Variants in SHH observed in about 807,000 individuals in gnomAD.
SHH encodes the protein sonic hedgehog protein.
Under a neutral mutation model 16.6 loss-of-function variants are expected in SHH, and 3 were observed. That is an observed-to-expected ratio of 0.18 (90% confidence interval 0.08 to 0.47). The LOEUF (loss-of-function observed/expected upper bound fraction) is 0.47. Ranked by LOEUF, SHH falls within the 20% of genes least tolerant of loss-of-function variation. The pLI, the probability that SHH is intolerant of heterozygous loss-of-function variation, is 0.98. For missense variants in SHH, 499 were observed against 665.0 expected, an observed-to-expected ratio of 0.75 and a Z score of 2.75; for synonymous variants, 351 against 316.2, an observed-to-expected ratio of 1.11 and a Z score of -1.17.
chr7:155,809,723 G>A lies in SHH; in HGVS notation c.300+2100C>T, dbSNP rs1385119476. ...ATTTGTTTTCGTTTCGTTCGTCTGA[G>A]GGAAGTTGACAGAAGGTCAGAAGTT... On this transcript the variant is annotated intron_variant, in intron 1 of 2. Transcript: ENST00000297261. This position sits in a 1 kb window ranked among gnomAD's most constrained non-coding sequence, Gnocchi z 6.1. Among the ~76,000 whole-genome samples, 1 of 152,198 alleles carries A rather than the reference G, an allele frequency of 6.6e-6. No individual in the cohort carries two copies. Among genetic ancestry groups the A allele is most frequent in the Admixed American group, 6.5e-5 (1 of 15,286 alleles).
chr7:155,812,086 C>G lies in SHH; in HGVS notation c.37G>C (p.Val13Leu), dbSNP rs1257833374. The change falls in exon 1 of 3, where the codon GTC becomes CTC. Residue 13 changes from valine (V) to leucine (L), a missense_variant. By Grantham distance (32) the Val-to-Leu change is conservative. Coordinates refer to ENST00000297261, the MANE Select transcript of SHH (RefSeq NM_000193.4). ...LLARCLLLVLVSSLLVCSGLA... is the reference protein window; with the variant it reads ...LLARCLLLVLLSSLLVCSGLA... ...CCCGAGCATACCAGCAGCGAGGAGA[C>G]GAGGACTAGCAGCAGACATCTCGCC... The G allele has an allele frequency of 1.9e-6, 3 of 1,614,082 alleles. No homozygotes were observed. Among genetic ancestry groups the G allele is most frequent in the East Asian group, 2.2e-5 (1 of 44,894 alleles).
intron 2 of SHH, among the ~76,000 whole-genome samples, chr7:155,805,880 C>CT (rs1375010547): frequency 1.3e-5 from 2 of 152,224 alleles, no homozygotes; most frequent in Non-Finnish European, 2.9e-5. Context: ...ATAGACACCC[C>CT]TGCGCTTGGG....
At chr7:155,805,181 G>A (rs1803321376) in intron 2 of SHH, among the ~76,000 whole-genome samples, 2 of 151,922 alleles carry the variant, frequency 1.3e-5, no homozygotes, top group African/African-American at 2.4e-5. Context: ...CCGCGGGCAG[G>A]GAGCCGGGGA....
In SHH at chr7:155,800,110, C is replaced by T. The variant is rs1431239948; in HGVS notation, c.*2790G>A. The T allele has an allele frequency of 4.2e-6, 2 of 471,674 alleles. No homozygotes were observed. Among genetic ancestry groups the T allele is most frequent in the Non-Finnish European group, 8.8e-6 (2 of 227,198 alleles). The allele number at this position is 471,674 out of a possible 1,614,324, so 29.2% of individuals were successfully genotyped here. A position where few individuals can be genotyped will look rare whatever the true frequency, so the allele number is the denominator to read the frequency against. ...CATGAGGGAGGCTGGCAGCAACCAC[C>T]ATGCATACATTTTGCACAAACTCTT... On this transcript the variant is annotated 3_prime_UTR_variant, in exon 3 of 3. Coordinates refer to ENST00000297261, the MANE Select transcript of SHH (RefSeq NM_000193.4).
intron 2 of SHH, among the ~76,000 whole-genome samples, chr7:155,805,782 C>T (rs1025950519): frequency 6.6e-6 from 1 of 152,224 alleles, no homozygotes; most frequent in African/African-American, 2.4e-5. Flanking sequence ...CCTGGGTTTA[C>T]TGCCGCCCAC....
At chr7:155,810,465 G>A (rs1376538565) in intron 1 of SHH, among the ~76,000 whole-genome samples, 1 of 152,206 alleles carries the variant, frequency 6.6e-6, no homozygotes, top group Non-Finnish European at 1.5e-5. Context: ...TGCACGCAAC[G>A]GGCACCCCAT....
rs911936008 is a variant in SHH, at chr7:155,809,192, T to A, written c.300+2631A>T. ...TGCGCTTTCCTCTCCCGGGTTAATA[T>A]TAACCGGCAGCTCCTGCGTTCCGGA... On this transcript the variant is annotated intron_variant, in intron 1 of 2. Transcript: ENST00000297261. The surrounding 1 kb of genome is among the most constrained non-coding windows in gnomAD (Gnocchi z 6.1). The A allele has an allele frequency of 6.6e-6, 1 of 152,110 alleles. No individual in the cohort carries two copies. Among genetic ancestry groups the A allele is most frequent in the Non-Finnish European group, 1.5e-5 (1 of 68,068 alleles). 9.4% of individuals were successfully genotyped at this position (152,110 alleles called of 1,614,324 possible).
Position 155,806,416 on chromosome 7 carries a change from T to C in SHH, c.442A>G (p.Ile148Val). The C allele has an allele frequency of 6.2e-7, 1 of 1,613,808 alleles. No individual in the cohort carries two copies. The highest frequency in any genetic ancestry group is 1.1e-5 in the South Asian group (1 of 91,088). The change falls in exon 2 of 3, where the codon ATC becomes GTC. Residue 148 changes from isoleucine (I) to valine (V), a missense_variant. Ile to Val is a conservative substitution (Grantham distance 29). Coordinates refer to ENST00000297261, the MANE Select transcript of SHH (RefSeq NM_000193.4). ...CTGCGGTCGCGGTCAGACGTGGTGA[T>C]GTCCACTGCGCGGCCCTCGTAGTGC... The part of the protein sequence containing the change: ...SLHYEGRAVD[I>V]TTSDRDRSKY...
chr7:155,811,802 G>T (rs773026927), intron 1 of SHH, 21 bp downstream of exon 1: 2 of 1,613,102 alleles, frequency 1.2e-6, no homozygotes, highest in East Asian at 2.2e-5. Context: ...CACATTCCAC[G>T]CCCCGGCGCT....
intron 2 of SHH, among the ~76,000 whole-genome samples, chr7:155,804,169 C>A (rs1049833326): frequency 5.9e-5 from 9 of 151,650 alleles, no homozygotes; most frequent in African/African-American, 2.2e-4. Flanking sequence ...CCCGCCCCGG[C>A]GCGGGGCGCG....
Position 155,806,375 on chromosome 7 carries a change from C to A in SHH, c.483G>T (p.Leu161=). The stretch of plus-strand genomic sequence containing the variant: ...AGCCGGCCTCCACCGCCAGGCGGGC[C>A]AGCATGCCGTACTTGCTGCGGTCGC... ...SDRDRSKYGM[L]ARLAVEAGFD... is the part of the protein sequence containing the mutation. Residue 161 remains leucine (L), a synonymous_variant, in exon 2 of 3, where the codon CTG becomes CTT. Transcript: ENST00000297261. The A allele has an allele frequency of 2.5e-6, 4 of 1,613,704 alleles. No homozygotes were observed. The highest frequency in any genetic ancestry group is 3.4e-6 in the Non-Finnish European group (4 of 1,180,040).
chr7:155,800,503 G>T lies in SHH; in HGVS notation c.*2397C>A. The T allele has an allele frequency of 2.1e-6, 1 of 468,340 alleles. No individual in the cohort carries two copies. The highest frequency in any genetic ancestry group is 1.6e-5 in the South Asian group (1 of 64,462). The allele number at this position is 468,340 out of a possible 1,614,324, so 29.0% of individuals were successfully genotyped here. The stretch of plus-strand genomic sequence containing the variant: ...TGGCTTCTCTCTGATCGTCTGGGCT[G>T]CACGGCCACATTGCCAGGTCTGTCT... On this transcript the variant is annotated 3_prime_UTR_variant, in exon 3 of 3. Transcript: ENST00000297261.
At position 155,807,369 on chromosome 7, in the gene SHH, T is replaced by C. The variant is rs1803393648; in HGVS notation, c.301-812A>G. The C allele has an allele frequency of 6.6e-6, 1 of 152,262 alleles. No homozygotes were observed. The highest frequency in any genetic ancestry group is 2.1e-4 in the South Asian group (1 of 4,812). 9.4% of individuals were successfully genotyped at this position (152,262 alleles called of 1,614,324 possible). A position where few individuals can be genotyped will look rare whatever the true frequency, so the allele number is the denominator to read the frequency against. ...TCTTTAACCTGTTCCCTTCCTCCGCTCTTGTGTTCTTGGCCCCAGCATAGA... is the reference window on the plus strand; with the variant it reads ...TCTTTAACCTGTTCCCTTCCTCCGCCCTTGTGTTCTTGGCCCCAGCATAGA... On this transcript the variant is annotated intron_variant, in intron 1 of 2. Coordinates refer to ENST00000297261, the MANE Select transcript of SHH (RefSeq NM_000193.4). The surrounding 1 kb of genome is among the most constrained non-coding windows in gnomAD (Gnocchi z 7.1).
At chr7:155,806,610 CACCCCTCCCG>C in intron 1 of SHH, 53 bp from the exon 2 acceptor site, 1 of 1,608,208 alleles carries the variant, frequency 6.2e-7, no homozygotes, top group Non-Finnish European at 8.5e-7. Context: ...GGGCAACCGC[CACCCCTCCCG>C]GCCCCTCCAT....
At position 155,803,109 on chromosome 7, in the gene SHH, G is replaced by A. The variant is rs953013478; in HGVS notation, c.1180C>T (p.Arg394Cys). The A allele has an allele frequency of 3.7e-6, 5 of 1,348,514 alleles. No homozygotes were observed. In the African/African-American group the frequency reaches 6.1e-5, roughly 16 times the overall value. The allele number at this position is 1,348,514 out of a possible 1,614,324, so 83.5% of individuals were successfully genotyped here. A position where few individuals can be genotyped will look rare whatever the true frequency, so the allele number is the denominator to read the frequency against. The change falls in exon 3 of 3, where the codon CGC (arginine) becomes TGC (cysteine). Residue 394 changes from arginine (R) to cysteine (C), a missense_variant. Coordinates refer to ENST00000297261, the MANE Select transcript of SHH (RefSeq NM_000193.4). ...CCGCTGTCCCCGCCGCGGTCCGTGC[G>A]CGCGGGCGCCAGTGCAGCCAGGAGC... The part of the protein sequence containing the change: ...HALLAALAPA[R>C]TDRGGDSGGG...
In SHH at chr7:155,803,444, G is replaced by A; in HGVS notation, c.845C>T (p.Thr282Ile). The change falls in exon 3 of 3, where the codon ACC becomes ATC. Residue 282 changes from threonine (T) to isoleucine (I), a missense_variant. Transcript: ENST00000297261. ...GCCCGAGGACGCCTCGGGCTCCCCG[G>A]TGGCCGAGTCGTTGTGCGGCGCCAC... ...LFVAPHNDSA[T>I]GEPEASSGSG... is the part of the protein sequence containing the mutation. The A allele has an allele frequency of 6.5e-7, 1 of 1,541,146 alleles. No homozygotes were observed. Among genetic ancestry groups the A allele is most frequent in the Middle Eastern group, 1.9e-4 (1 of 5,198 alleles).
intron 1 of SHH, among the ~76,000 whole-genome samples, chr7:155,811,421 A>G (rs1382064325): frequency 6.6e-6 from 1 of 152,134 alleles, no homozygotes; most frequent in Admixed American, 6.5e-5. Context: ...AGACCACTTC[A>G]TGTTTGTGGG....
rs1803248792 is a variant in SHH at position 155,803,322 on chromosome 7, C to T, written c.967G>A (p.Gly323Arg). 2 of 1,475,638 alleles carry T rather than the reference C, an allele frequency of 1.4e-6. No homozygotes were observed. The highest frequency in any genetic ancestry group is 1.8e-6 in the Non-Finnish European group (2 of 1,121,130). The allele number at this position is 1,475,638 out of a possible 1,614,324, so 91.4% of individuals were successfully genotyped here. A position where few individuals can be genotyped will look rare whatever the true frequency, so the allele number is the denominator to read the frequency against. The change falls in exon 3 of 3, where the codon GGG (glycine) becomes AGG (arginine). Residue 323 changes from glycine to arginine, a missense_variant. This residue lies in a region of SHH where 299 missense variants were observed against 301.1 expected (regional missense o/e 0.99). Coordinates refer to ENST00000297261, the MANE Select transcript of SHH (RefSeq NM_000193.4). ...GCGGCGGGCAGGAGCCGGCGGTCCC[C>T]GTCACGCTCGGCCACCACGTACACG... is the stretch of plus-strand genomic sequence containing the variant. Reference protein sequence around the residue: ...QRVYVVAERDGDRRLLPAAVH... With the variant: ...QRVYVVAERDRDRRLLPAAVH...
At position 155,800,645 on chromosome 7, in the gene SHH, C is replaced by T. The variant is rs1307799601; in HGVS notation, c.*2255G>A. 2.1e-6 allele frequency: 1 copy of T among 470,628 alleles called. No individual in the cohort carries two copies. The highest frequency in any genetic ancestry group is 4.4e-6 in the Non-Finnish European group (1 of 227,042). 29.2% of individuals were successfully genotyped at this position (470,628 alleles called of 1,614,324 possible). A position where few individuals can be genotyped will look rare whatever the true frequency, so the allele number is the denominator to read the frequency against. On this transcript the variant is annotated 3_prime_UTR_variant, in exon 3 of 3. Transcript: ENST00000297261. Reference sequence around the variant, plus strand: ...CGCACTTCCTCCGAGATTGTAAACACCAGCCTGGAACCTGCTGACCACCTA... The same window carrying T: ...CGCACTTCCTCCGAGATTGTAAACATCAGCCTGGAACCTGCTGACCACCTA...
Sources: gnomAD v4.1 joint callset for allele counts (sites outside exome capture counted in the v4.1 genomes callset) on GRCh38, gnomAD v4.1.1 for gene constraint, gnomAD v4.1.1 regional missense constraint, Gnocchi (gnomAD v3.1) non-coding constraint, MANE v1.5 for transcripts, NCBI Gene and HGNC (gene_info 2026-07-23, HGNC 2026-07-21) for gene names.